TANC2: variants seen among roughly 807,000 people sequenced by gnomAD.
TANC2 encodes the protein protein TANC2.
TANC2 carries 26 observed loss-of-function variants against 210.5 expected under a neutral mutation model. The ratio of observed to expected loss-of-function variants is 0.12; its 90% confidence interval spans 0.09 to 0.17. The LOEUF is 0.17. Among genes scored for constraint, TANC2 ranks in the 10% least tolerant of loss-of-function variants. The pLI, the probability that TANC2 is intolerant of heterozygous loss-of-function variation, is 1.00. For synonymous variants in TANC2, 931 were observed against 967.1 expected (o/e 0.96, Z 0.69); for missense variants, 2,129 against 2,608.9 (o/e 0.82, Z 4.01).
intron 9 of TANC2, among the ~76,000 whole-genome samples, chr17:63,306,052 G>A (rs1225790615): frequency 1.3e-5 from 2 of 152,116 alleles, no homozygotes; most frequent in East Asian, 1.9e-4. Flanking sequence ...AGGGAATGAC[G>A]TAATGTGGTC....
At chr17:63,277,275 CTTCT>C (rs755973588) in intron 9 of TANC2, among the ~76,000 whole-genome samples, 2 of 146,888 alleles carry the variant, frequency 1.4e-5, no homozygotes, top group Non-Finnish European at 3.1e-5. Context: ...TTTCCATCTT[CTTCT>C]TTTTTTTTTT....
At chr17:63,042,860 A>G (rs1293051971) in intron 2 of TANC2, among the ~76,000 whole-genome samples, 1 of 152,170 alleles carries the variant, frequency 6.6e-6, no homozygotes, top group South Asian at 2.1e-4. Context: ...GGAGTTTTAT[A>G]TATTTTTTAA....
chr17:63,268,908 T>TA (rs1209889801), intron 9 of TANC2, among the ~76,000 whole-genome samples: 2 of 152,194 alleles, frequency 1.3e-5, no homozygotes, highest in African/African-American at 2.4e-5. Context: ...TTTTAACAGA[T>TA]AGTCTCCTTT....
intron 5 of TANC2, among the ~76,000 whole-genome samples, chr17:63,177,789 A>G (rs1223846741): frequency 1.3e-5 from 2 of 152,198 alleles, no homozygotes; most frequent in Non-Finnish European, 2.9e-5. Flanking sequence ...GCACAAGAAC[A>G]CAAGTTAAAC....
chr17:63,101,865 G>A (rs1396248677), intron 4 of TANC2, among the ~76,000 whole-genome samples: 2 of 152,160 alleles, frequency 1.3e-5, no homozygotes, highest in African/African-American at 4.8e-5. Flanking sequence ...CCAGCCATGG[G>A]AAGATCTGGG....
At chr17:63,011,928 G>C (rs1257188097) in intron 2 of TANC2, among the ~76,000 whole-genome samples, 1 of 150,838 alleles carries the variant, frequency 6.6e-6, no homozygotes, top group Non-Finnish European at 1.5e-5. Context: ...TTGGGTATCT[G>C]TGTGCTGTCT....
intron 4 of TANC2, among the ~76,000 whole-genome samples, chr17:63,119,809 G>A (rs2038392672): frequency 6.6e-6 from 1 of 152,140 alleles, no homozygotes; most frequent in African/African-American, 2.4e-5. Context: ...GAGGCCAGGA[G>A]TTCAAGACTA....
intron 10 of TANC2, among the ~76,000 whole-genome samples, chr17:63,316,085 A>G (rs978086041): frequency 1.3e-5 from 2 of 152,172 alleles, no homozygotes; most frequent in Non-Finnish European, 2.9e-5. Flanking sequence ...CAGTTTTCTT[A>G]TTTGTAAAAT....
chr17:63,099,824 G>A (rs560716712), intron 4 of TANC2, among the ~76,000 whole-genome samples: 1 of 151,978 alleles, frequency 6.6e-6, no homozygotes, highest in South Asian at 2.1e-4. Context: ...CCTCTACACT[G>A]GACATTAACT....
intron 9 of TANC2, among the ~76,000 whole-genome samples, chr17:63,311,437 A>G (rs2045121562): frequency 6.6e-6 from 1 of 152,210 alleles, no homozygotes; most frequent in South Asian, 2.1e-4. Flanking sequence ...GGTACAGGCA[A>G]AACTCAGAAT....
intron 9 of TANC2, among the ~76,000 whole-genome samples, chr17:63,281,503 T>C (rs1243605580): frequency 6.6e-6 from 1 of 152,124 alleles, no homozygotes; most frequent in African/African-American, 2.4e-5. Context: ...TTTCAGCTGC[T>C]TATTATAACC....
chr17:63,128,369 A>G (rs1225031460), intron 4 of TANC2, among the ~76,000 whole-genome samples: 3 of 152,192 alleles, frequency 2.0e-5, no homozygotes, highest in Admixed American at 6.5e-5. Context: ...GTATATGCCT[A>G]CTGCGTACCC....
At chr17:63,187,546 GT>G (rs11419333) in intron 5 of TANC2, among the ~76,000 whole-genome samples, 6 of 151,390 alleles carry the variant, frequency 4.0e-5, no homozygotes, top group East Asian at 1.9e-4. Flanking sequence ...CAAAAATTAT[GT>G]TTTTTATATA....
intron 15 of TANC2, among the ~76,000 whole-genome samples, chr17:63,383,732 G>A (rs2047685893): frequency 6.6e-6 from 1 of 152,100 alleles, no homozygotes; most frequent in African/African-American, 2.4e-5. Context: ...CCTTAGTAGT[G>A]CAATTACCAG....
chr17:62,999,267 C>T (rs2033261032), intron 1 of TANC2, among the ~76,000 whole-genome samples: 1 of 152,222 alleles, frequency 6.6e-6, no homozygotes, highest in Non-Finnish European at 1.5e-5. Context: ...CTTCACCTGC[C>T]ATGAGTAAAA....
chr17:63,047,519 T>C (rs1414697567), intron 2 of TANC2, among the ~76,000 whole-genome samples: 3 of 152,130 alleles, frequency 2.0e-5, no homozygotes, highest in African/African-American at 7.2e-5. Context: ...TGGGGAGCTC[T>C]GTTGGAGAGT....
intron 4 of TANC2, among the ~76,000 whole-genome samples, chr17:63,132,448 G>T (rs779596738): frequency 2.0e-5 from 3 of 152,086 alleles, no homozygotes; most frequent in Non-Finnish European, 4.4e-5. Flanking sequence ...AGTATCTCAT[G>T]CCTTTGTGTA....
chr17:63,193,336 G>A (rs2041245313), intron 5 of TANC2, among the ~76,000 whole-genome samples: 1 of 152,134 alleles, frequency 6.6e-6, no homozygotes, highest in African/African-American at 2.4e-5. Context: ...CTTGAGTTCA[G>A]TACTAATACA....
intron 9 of TANC2, among the ~76,000 whole-genome samples, chr17:63,308,285 C>T (rs946618688): frequency 2.0e-5 from 3 of 152,166 alleles, no homozygotes; most frequent in South Asian, 2.1e-4. Context: ...CTCCCTATCC[C>T]TCTACATCTA....
Sources: gnomAD v4.1 joint callset for allele counts (sites outside exome capture counted in the v4.1 genomes callset) on GRCh38, gnomAD v4.1.1 for gene constraint, MANE v1.5 for transcripts, NCBI Gene and HGNC (gene_info 2026-07-23, HGNC 2026-07-21) for gene names.